CACNA1C: variants seen among roughly 807,000 people sequenced by gnomAD.
CACNA1C encodes voltage-dependent L-type calcium channel subunit alpha-1C.
CACNA1C carries 30 observed loss-of-function variants against 229.0 expected under a neutral mutation model. The observed-to-expected ratio is 0.13, with a 90% CI of 0.10 to 0.18. The LOEUF is 0.18. Ranked by LOEUF, CACNA1C falls within the 10% of genes least tolerant of loss-of-function variation. The pLI is 1.00. For missense variants in CACNA1C, 1,658 were observed against 2,845.0 expected, an observed-to-expected ratio of 0.58 and a Z score of 9.49; for synonymous variants, 1,114 against 1,132.5, an observed-to-expected ratio of 0.98 and a Z score of 0.33.
intron 3 of CACNA1C, among the ~76,000 whole-genome samples, chr12:2,405,077 C>A (rs977014334): frequency 6.6e-6 from 1 of 152,216 alleles, no homozygotes; most frequent in African/African-American, 2.4e-5. Flanking sequence ...CGGCTACTCC[C>A]TGTGGGATAT....
intron 8 of CACNA1C, among the ~76,000 whole-genome samples, chr12:2,509,096 G>A (rs1003753087): frequency 6.6e-5 from 10 of 152,202 alleles, no homozygotes; most frequent in African/African-American, 2.2e-4. Flanking sequence ...TTCTTACATA[G>A]GTAGTCATCC....
rs544691140 is a variant in CACNA1C at position 2,319,929 on chromosome 12, G to A, written c.478-129047G>A. On this transcript the variant is annotated intron_variant, in intron 3 of 46. Coordinates refer to ENST00000399655, the MANE Select transcript of CACNA1C (RefSeq NM_000719.7). This position sits in a 1 kb window ranked among gnomAD's most constrained non-coding sequence, Gnocchi z 4.0. Reference sequence around the variant, plus strand: ...GCACATCCTTCCCAGAGCTGAGGAAGCCCCATGAGCTATTCTGGTCCTGAC... The same window carrying A: ...GCACATCCTTCCCAGAGCTGAGGAAACCCCATGAGCTATTCTGGTCCTGAC... Among the ~76,000 whole-genome samples the A allele has an allele frequency of 1.3e-5, 2 of 152,264 alleles. No homozygotes were observed. Among genetic ancestry groups the A allele is most frequent in the East Asian group, 1.9e-4 (1 of 5,180 alleles).
chr12:2,177,273 G>A (rs887244220), intron 3 of CACNA1C, among the ~76,000 whole-genome samples: 4 of 152,246 alleles, frequency 2.6e-5, no homozygotes, highest in Non-Finnish European at 4.4e-5. Context: ...AGCTGCTCCC[G>A]TTGTTCGTCT....
intron 2 of CACNA1C, among the ~76,000 whole-genome samples, chr12:2,120,108 G>A (rs1028457623): frequency 1.3e-5 from 2 of 152,234 alleles, no homozygotes; most frequent in East Asian, 3.8e-4. Flanking sequence ...GCACGCGACT[G>A]GCCTCCACTG....
At chr12:2,556,835 T>A in intron 10 of CACNA1C, 116 bp from the exon 11 acceptor site, 1 of 831,740 alleles carries the variant, frequency 1.2e-6, no homozygotes, top group East Asian at 2.5e-5. Context: ...CCATGCCTCC[T>A]TCCAGCACCC....
At chr12:2,477,214 A>C (rs1280467861) in intron 5 of CACNA1C, among the ~76,000 whole-genome samples, 1 of 152,212 alleles carries the variant, frequency 6.6e-6, no homozygotes, top group African/African-American at 2.4e-5. Flanking sequence ...TAGTAGTCAC[A>C]ACCTGATGAT....
intron 11 of CACNA1C, among the ~76,000 whole-genome samples, chr12:2,557,231 T>C (rs2044869902): frequency 6.6e-6 from 1 of 152,232 alleles, no homozygotes; most frequent in South Asian, 2.1e-4. Context: ...TAGGAAGTTG[T>C]CAGACCAAAT....
intron 3 of CACNA1C, among the ~76,000 whole-genome samples, chr12:2,242,788 C>T (rs2071125071): frequency 6.6e-6 from 1 of 152,202 alleles, no homozygotes; most frequent in Admixed American, 6.5e-5. Context: ...TAATATTTGG[C>T]TTGTCCAATA....
rs139285978 is a variant in CACNA1C, at chr12:2,485,012, G to A, written c.758-1092G>A. ...ACCAGAATGAAAAGCACCAACAACG[G>A]CCTTGGGGTTTGGGAAAGGGGTGAC... On this transcript the variant is annotated intron_variant, in intron 5 of 46. Coordinates refer to ENST00000399655, the MANE Select transcript of CACNA1C (RefSeq NM_000719.7). Among the ~76,000 whole-genome samples the A allele has an allele frequency of 3.3e-5, 5 of 151,770 alleles. No homozygotes were observed. In the East Asian group the frequency reaches 9.7e-4, roughly 30 times the overall value.
chr12:2,322,085 A>T (rs1394581841), intron 3 of CACNA1C, among the ~76,000 whole-genome samples: 1 of 152,218 alleles, frequency 6.6e-6, no homozygotes, highest in African/African-American at 2.4e-5. Flanking sequence ...AATCGATTTA[A>T]TTTGCACTTT....
rs369846259 is a variant in CACNA1C at position 2,067,806 on chromosome 12, C to T, written c.49+14195C>T. Among the ~76,000 whole-genome samples the T allele has an allele frequency of 1.3e-5, 2 of 152,116 alleles. No individual in the cohort carries two copies. The highest frequency in any genetic ancestry group is 4.8e-5 in the African/African-American group (2 of 41,408). On this transcript the variant is annotated intron_variant, in intron 1 of 46. Coordinates refer to ENST00000399655, the MANE Select transcript of CACNA1C (RefSeq NM_000719.7). This position sits in a 1 kb window ranked among gnomAD's most constrained non-coding sequence, Gnocchi z 5.3. ...TCAAGACCACAAGTGCCAACCTCAG[C>T]GCACTCACCTGGAGAATACTTACCT...
intron 1 of CACNA1C, chr12:2,004,084 G>A: frequency 1.4e-6 from 1 of 717,890 alleles, no homozygotes; most frequent in South Asian, 1.8e-5. Context: ...CCCAACTCCA[G>A]GTAGCTCCAC....
At chr12:2,256,088 C>CAAG (rs2077550428) in intron 3 of CACNA1C, among the ~76,000 whole-genome samples, 8 of 152,172 alleles carry the variant, frequency 5.3e-5, no homozygotes, top group South Asian at 2.1e-4. Context: ...TTTACAATCA[C>CAAG]ACCTCCTGTT....
intron 10 of CACNA1C, 26 bp downstream of exon 10, chr12:2,550,059 G>C: frequency 6.6e-7 from 1 of 1,503,864 alleles, no homozygotes; most frequent in South Asian, 1.2e-5. Context: ...GAGCCCAGGG[G>C]CTGGGGCTTT....
At chr12:2,413,835 C>A (rs554697017) in intron 3 of CACNA1C, among the ~76,000 whole-genome samples, 201 of 152,332 alleles carry the variant, frequency 1.3e-3, no homozygotes, top group African/African-American at 4.1e-3. Context: ...TCAAATGCCT[C>A]CCGTTCCTGA....
At chr12:2,669,657 G>A (rs185064479) in intron 38 of CACNA1C, among the ~76,000 whole-genome samples, 113 of 152,300 alleles carry the variant, frequency 7.4e-4, no homozygotes, top group African/African-American at 2.7e-3. Flanking sequence ...TAATAGGACT[G>A]TGCTGGGAAG....
chr12:2,051,052 A>C (rs918111953), upstream of CACNA1C, among the ~76,000 whole-genome samples: 1 of 152,238 alleles, frequency 6.6e-6, no homozygotes, highest in Non-Finnish European at 1.5e-5. Context: ...ATGAATAAGT[A>C]AACTATATAG....
chr12:2,508,044 A>G (rs1312888411), intron 8 of CACNA1C, among the ~76,000 whole-genome samples: 2 of 152,214 alleles, frequency 1.3e-5, no homozygotes, highest in African/African-American at 4.8e-5. Context: ...TGCGAAGGCA[A>G]CCGCCCAGAG....
At chr12:2,476,196 A>C (rs1483628594) in intron 5 of CACNA1C, among the ~76,000 whole-genome samples, 1 of 152,242 alleles carries the variant, frequency 6.6e-6, no homozygotes, top group East Asian at 1.9e-4. Context: ...TGAGAGATGC[A>C]CTGTTGAGAA....
Sources: gnomAD v4.1 joint callset for allele counts (sites outside exome capture counted in the v4.1 genomes callset) on GRCh38, gnomAD v4.1.1 for gene constraint, Gnocchi (gnomAD v3.1) non-coding constraint, MANE v1.5 for transcripts, NCBI Gene and HGNC (gene_info 2026-07-23, HGNC 2026-07-21) for gene names.